FNBP1L: variants seen among roughly 807,000 people sequenced by gnomAD.
The protein encoded by FNBP1L is formin-binding protein 1-like.
FNBP1L carries 36 observed loss-of-function variants against 91.2 expected under a neutral mutation model. That is an observed-to-expected ratio of 0.39 (90% CI 0.30 to 0.52). The LOEUF (loss-of-function observed/expected upper bound fraction) is 0.52, where lower values mean the gene tolerates loss of function less well. Among genes scored for constraint, FNBP1L ranks in the 20% least tolerant of loss-of-function variants. FNBP1L has a pLI of 0.66. For synonymous variants in FNBP1L, 242 were observed against 237.0 expected (o/e 1.02, Z -0.19); for missense variants, 571 against 732.1 (o/e 0.78, Z 2.54).
At chr1:93,480,409 C>T (rs1269215389) in intron 1 of FNBP1L, among the ~76,000 whole-genome samples, 1 of 152,114 alleles carries the variant, frequency 6.6e-6, no homozygotes, top group Non-Finnish European at 1.5e-5. Flanking sequence ...GAACCCATTC[C>T]TCTATCTATA....
At chr1:93,509,186 T>C (rs1033165983) in intron 2 of FNBP1L, among the ~76,000 whole-genome samples, 9 of 152,214 alleles carry the variant, frequency 5.9e-5, no homozygotes, top group African/African-American at 2.2e-4. Context: ...TCCCAGGGAC[T>C]AAACATAACT....
chr1:93,517,519 C>T (rs1191156730), intron 2 of FNBP1L, among the ~76,000 whole-genome samples: 2 of 152,096 alleles, frequency 1.3e-5, no homozygotes, highest in Admixed American at 1.3e-4. Flanking sequence ...TAAAAAAATC[C>T]CTTCTCTTGG....
rs144594129 is a variant in FNBP1L, at chr1:93,465,319, C to T, written c.24+17014C>T. The stretch of plus-strand genomic sequence containing the variant: ...GCTGCACCTATCAACCCATCATATA[C>T]ATTATGTATTTCTCCTAATGCTATC... On this transcript the variant is annotated intron_variant, in intron 1 of 16. Transcript: ENST00000271234. Among the ~76,000 whole-genome samples, 728 of 152,124 alleles carry T rather than the reference C, an allele frequency of 4.8e-3. 9 individuals are homozygous for T. The highest frequency in any genetic ancestry group is 0.017 in the African/African-American group (689 of 41,488).
intron 2 of FNBP1L, among the ~76,000 whole-genome samples, chr1:93,517,210 A>C (rs889130432): frequency 2.6e-5 from 4 of 151,770 alleles, no homozygotes; most frequent in Non-Finnish European, 5.9e-5. Context: ...TGCCTGGCTA[A>C]TTTTTTTGTA....
intron 1 of FNBP1L, among the ~76,000 whole-genome samples, chr1:93,471,581 ACT>A (rs1669288276): frequency 3.9e-5 from 6 of 152,078 alleles, no homozygotes; most frequent in Admixed American, 6.6e-5. Context: ...AGTCCCCGCT[ACT>A]CGGGAGCCTA....
chr1:93,516,587 G>A (rs572174621), intron 2 of FNBP1L, among the ~76,000 whole-genome samples: 1 of 152,250 alleles, frequency 6.6e-6, no homozygotes. Flanking sequence ...AGGCTAAGGT[G>A]AGGTCAGGAG....
intron 2 of FNBP1L, among the ~76,000 whole-genome samples, chr1:93,501,020 C>T (rs1302473246): frequency 2.0e-5 from 3 of 152,122 alleles, no homozygotes; most frequent in Non-Finnish European, 4.4e-5. Flanking sequence ...TCTAGGAGAG[C>T]ATGAAATGGC....
chr1:93,532,803 C>T (rs953728350), intron 7 of FNBP1L, 119 bp from the exon 8 acceptor site: 1 of 661,586 alleles, frequency 1.5e-6, no homozygotes, highest in African/African-American at 1.8e-5. Context: ...AAGGTATTAA[C>T]AACAGTGTAA....
intron 2 of FNBP1L, among the ~76,000 whole-genome samples, chr1:93,501,625 A>G (rs533032010): frequency 5.3e-5 from 8 of 152,202 alleles, no homozygotes; most frequent in Non-Finnish European, 1.0e-4. Flanking sequence ...CAACACCACC[A>G]CTTTGGGAAT....
chr1:93,515,686 A>G (rs1459942586), intron 2 of FNBP1L, among the ~76,000 whole-genome samples: 6 of 147,136 alleles, frequency 4.1e-5, no homozygotes, highest in African/African-American at 1.3e-4. Flanking sequence ...AACACCGCAT[A>G]TTCTCCCTCA....
In FNBP1L at chr1:93,522,072, C is replaced by A; in HGVS notation, c.141-10C>A. 6.7e-7 allele frequency: 1 copy of A among 1,491,058 alleles called. No individual in the cohort carries two copies. The highest frequency in any genetic ancestry group is 8.9e-7 in the Non-Finnish European group (1 of 1,118,870). 92.4% of individuals were successfully genotyped at this position (1,491,058 alleles called of 1,614,324 possible). On this transcript the variant is annotated splice_polypyrimidine_tract_variant and intron_variant, in intron 2 of 16. Coordinates refer to ENST00000271234, the MANE Select transcript of FNBP1L (RefSeq NM_001164473.3). ...TTTTTAATAAACTTTAAAAAATCTTCTTCCTATAGAAATCTGGTTAAGAAG... is the reference window on the plus strand; with the variant it reads ...TTTTTAATAAACTTTAAAAAATCTTATTCCTATAGAAATCTGGTTAAGAAG...
At position 93,525,045 on chromosome 1, in the gene FNBP1L, A is replaced by C. The variant is rs531564325; in HGVS notation, c.405+722A>C. On this transcript the variant is annotated intron_variant, in intron 5 of 16. Coordinates refer to ENST00000271234, the MANE Select transcript of FNBP1L (RefSeq NM_001164473.3). ...GTTGCCTTTACATAAAATGCTCTAT[A>C]ATCTGTGTCATGGGATTAGAGTCAA... Among the ~76,000 whole-genome samples the C allele has an allele frequency of 3.4e-5, 5 of 149,214 alleles. No homozygotes were observed. In the South Asian group the frequency reaches 1.1e-3, roughly 33 times the overall value.
chr1:93,487,189 A>G (rs1351976776), intron 1 of FNBP1L, among the ~76,000 whole-genome samples: 1 of 152,246 alleles, frequency 6.6e-6, no homozygotes, highest in African/African-American at 2.4e-5. Context: ...CCTCCTTGAA[A>G]TAATACATTA....
In FNBP1L at chr1:93,543,335, A is replaced by G. The variant is rs146728714; in HGVS notation, c.1165-772A>G. On this transcript the variant is annotated intron_variant, in intron 11 of 16. Transcript: ENST00000271234. ...ACTAGTACTTTTTCTTAAATTGCAT[A>G]GTTTTTTGAATATCAAAACTTTAAA... Among the ~76,000 whole-genome samples, 291 of 152,300 alleles carry G rather than the reference A, an allele frequency of 1.9e-3. 2 individuals are homozygous for G. The highest frequency in any genetic ancestry group is 6.7e-3 in the African/African-American group (280 of 41,572).
intron 1 of FNBP1L, among the ~76,000 whole-genome samples, chr1:93,478,853 A>G (rs1018143702): frequency 1.6e-4 from 24 of 152,300 alleles, no homozygotes; most frequent in African/African-American, 5.1e-4. Flanking sequence ...AAAGAGGTAA[A>G]TGTTTGGTAA....
chr1:93,470,001 G>T (rs1174968775), intron 1 of FNBP1L, among the ~76,000 whole-genome samples: 1 of 152,078 alleles, frequency 6.6e-6, no homozygotes, highest in Non-Finnish European at 1.5e-5. Flanking sequence ...TAATTGTGGT[G>T]TTAAAGTACC....
intron 9 of FNBP1L, 68 bp downstream of exon 9, chr1:93,534,976 A>C (rs1671797830): frequency 8.0e-7 from 1 of 1,244,340 alleles, no homozygotes; most frequent in Admixed American, 2.4e-5. Context: ...GTGGGTATTG[A>C]ATGCAAAATG....
chr1:93,541,015 C>T, intron 10 of FNBP1L, 27 bp from the exon 11 acceptor site: 1 of 1,534,902 alleles, frequency 6.5e-7, no homozygotes. Context: ...TTTACCATTT[C>T]TTTCTGTTTT....
intron 1 of FNBP1L, among the ~76,000 whole-genome samples, chr1:93,472,434 A>G (rs991849882): frequency 6.6e-6 from 1 of 152,092 alleles, no homozygotes; most frequent in Non-Finnish European, 1.5e-5. Flanking sequence ...CAGAGCCCTT[A>G]TTCTTTACCA....
Sources: allele counts gnomAD v4.1 joint callset (sites outside exome capture counted in the v4.1 genomes callset), GRCh38; gene constraint gnomAD v4.1.1; transcripts MANE v1.5; gene names NCBI Gene and HGNC (gene_info 2026-07-23, HGNC 2026-07-21).